PKP2: variants seen among roughly 807,000 people sequenced by gnomAD.
The protein encoded by PKP2 is plakophilin 2.
A neutral mutation model predicts 83.4 loss-of-function variants in PKP2; 73 were observed. That is an observed-to-expected ratio of 0.88 (90% CI 0.72 to 1.06). The LOEUF (loss-of-function observed/expected upper bound fraction) is 1.06. Among genes scored for constraint, PKP2 ranks in the 50% least tolerant of loss-of-function variants. The pLI is 0.00. For synonymous variants in PKP2, 409 were observed against 430.4 expected, an observed-to-expected ratio of 0.95 and a Z score of 0.62; for missense variants, 966 against 1,065.4, an observed-to-expected ratio of 0.91 and a Z score of 1.30.
At chr12:32,807,109 A>T (rs1457961723) in intron 9 of PKP2, among the ~76,000 whole-genome samples, 1 of 152,148 alleles carries the variant, frequency 6.6e-6, no homozygotes, top group Non-Finnish European at 1.5e-5. Flanking sequence ...TTTGCTAAGG[A>T]GTGTTTTACT....
At chr12:32,853,877 G>T (rs1956722541) in intron 4 of PKP2, among the ~76,000 whole-genome samples, 1 of 152,180 alleles carries the variant, frequency 6.6e-6, no homozygotes, top group Non-Finnish European at 1.5e-5. Flanking sequence ...AGCACTGTGG[G>T]ATATATACCC....
chr12:32,822,496 A>T lies in PKP2; in HGVS notation c.1810T>A (p.Phe604Ile). 6.2e-7 allele frequency: 1 copy of T among 1,614,144 alleles called. No individual in the cohort carries two copies. The highest frequency in any genetic ancestry group is 8.5e-7 in the Non-Finnish European group (1 of 1,180,030). ...QTDNNKSIGC[F>I]GSRSRKVKEQ... ...TTTACTTTCCTGCTTCGACTGCCAA[A>T]ACATCCAATACTTTTGTTGTTGTCA... The change falls in exon 8 of 13, where the codon TTT (phenylalanine) becomes ATT (isoleucine). Residue 604 changes from phenylalanine (F) to isoleucine (I), a missense_variant. Coordinates refer to ENST00000340811, the MANE Select transcript of PKP2 (RefSeq NM_001005242.3).
At chr12:32,806,686 T>TGTGTGTGTGTGTGTGTG (rs1956228649) in intron 9 of PKP2, among the ~76,000 whole-genome samples, 2 of 149,718 alleles carry the variant, frequency 1.3e-5, no homozygotes, top group African/African-American at 2.5e-5. Context: ...TTTGAAGGGT[T>TGTGTGTGTGTGTGTGTG]TGTGTGTGTG....
At chr12:32,828,490 T>C (rs1330181721) in intron 6 of PKP2, among the ~76,000 whole-genome samples, 1 of 152,190 alleles carries the variant, frequency 6.6e-6, no homozygotes, top group Non-Finnish European at 1.5e-5. Context: ...GACATTATGG[T>C]AGGCAACTTA....
intron 1 of PKP2, among the ~76,000 whole-genome samples, chr12:32,889,319 T>A (rs1358433765): frequency 2.6e-5 from 4 of 152,194 alleles, no homozygotes; most frequent in Admixed American, 6.5e-5. Context: ...CTCTTGCAGA[T>A]AACAGTAAGA....
chr12:32,793,197 C>G (rs368528886), intron 11 of PKP2, among the ~76,000 whole-genome samples: 1 of 152,024 alleles, frequency 6.6e-6, no homozygotes, highest in Non-Finnish European at 1.5e-5. Context: ...GCCGAGATCA[C>G]GCCACTGCAC....
At chr12:32,843,238 C>A (rs757689437) in intron 5 of PKP2, 1 of 931,566 alleles carries the variant, frequency 1.1e-6, no homozygotes, top group Non-Finnish European at 1.6e-6. Flanking sequence ...GCCTTGGCCT[C>A]CCAAAGTGCT....
intron 3 of PKP2, among the ~76,000 whole-genome samples, chr12:32,874,816 C>G (rs969197052): frequency 1.3e-5 from 2 of 152,120 alleles, no homozygotes; most frequent in Non-Finnish European, 2.9e-5. Context: ...TCACAGCTCA[C>G]TGTAGCCTCA....
chr12:32,866,525 TGGGCAACAGAGGCAGATCC>T (rs1219750328), intron 4 of PKP2, among the ~76,000 whole-genome samples: 2 of 116,922 alleles, frequency 1.7e-5, no homozygotes, highest in Non-Finnish European at 3.2e-5. Flanking sequence ...CACTCCAGCC[TGGGCAACAGAGGCAGATCC>T]TTTCTCAAAA....
chr12:32,804,586 A>G (rs760239851), intron 9 of PKP2, among the ~76,000 whole-genome samples: 13 of 152,200 alleles, frequency 8.5e-5, no homozygotes, highest in Non-Finnish European at 7.3e-5. Flanking sequence ...TTTGCCAAGG[A>G]TAACAGCCTC....
At chr12:32,888,056 C>G (rs971450194) in intron 1 of PKP2, among the ~76,000 whole-genome samples, 5 of 152,162 alleles carry the variant, frequency 3.3e-5, no homozygotes, top group African/African-American at 1.2e-4. Flanking sequence ...GTGGCGTACA[C>G]CTGTAGTCCC....
At chr12:32,863,106 C>T (rs1440179512) in intron 4 of PKP2, 1 of 158,518 alleles carries the variant, frequency 6.3e-6, no homozygotes, top group Non-Finnish European at 1.4e-5. Flanking sequence ...GGAAATACGA[C>T]TGGAAAGCAG....
intron 11 of PKP2, among the ~76,000 whole-genome samples, chr12:32,793,152 A>G (rs146924721): frequency 6.6e-6 from 1 of 151,974 alleles, no homozygotes; most frequent in Non-Finnish European, 1.5e-5. Flanking sequence ...GAGGCAGGAG[A>G]ATCACTTGAA....
intron 11 of PKP2, 85 bp downstream of exon 11, chr12:32,796,024 G>T: frequency 8.5e-7 from 1 of 1,171,106 alleles, no homozygotes; most frequent in South Asian, 1.2e-5. Flanking sequence ...TGATGGTCAT[G>T]ACCGCACATT....
chr12:32,832,353 G>C (rs994970462), intron 6 of PKP2, among the ~76,000 whole-genome samples: 1 of 151,744 alleles, frequency 6.6e-6, no homozygotes, highest in African/African-American at 2.4e-5. Context: ...ACTCCAGCCT[G>C]GTGACAGAAT....
Position 32,878,065 on chromosome 12 carries a change from C to G in PKP2, c.815G>C (p.Arg272Thr). ...LTAGLTVGQV[R>T]PLVPLQPVTQ... ...GACGGGCTGCAGGGGCACCAGCGGC[C>G]TGACCTGCCCGACAGTGAGCCCTGC... The change falls in exon 3 of 13, where the codon AGG (arginine) becomes ACG (threonine). Residue 272 changes from arginine to threonine, a missense_variant. Coordinates refer to ENST00000340811, the MANE Select transcript of PKP2 (RefSeq NM_001005242.3). 1 of 1,614,052 alleles carries G rather than the reference C, an allele frequency of 6.2e-7. No homozygotes were observed. The highest frequency in any genetic ancestry group is 8.5e-7 in the Non-Finnish European group (1 of 1,180,046).
intron 1 of PKP2, among the ~76,000 whole-genome samples, chr12:32,884,359 C>G (rs1042477131): frequency 2.0e-5 from 3 of 152,068 alleles, no homozygotes; most frequent in African/African-American, 7.2e-5. Flanking sequence ...GAAGCTGAGG[C>G]AGGAGAATTA....
intron 1 of PKP2, among the ~76,000 whole-genome samples, chr12:32,895,192 CATAT>C (rs371098176): frequency 1.1e-4 from 17 of 150,074 alleles, no homozygotes; most frequent in Non-Finnish European, 1.6e-4. Flanking sequence ...TTTTTAAATA[CATAT>C]ATATATATAT....
At chr12:32,823,761 CG>C in intron 7 of PKP2, among the ~76,000 whole-genome samples, 1 of 151,886 alleles carries the variant, frequency 6.6e-6, no homozygotes. Context: ...CCACCACGCC[CG>C]GCTATATTTT....
Sources: gnomAD v4.1 joint callset for allele counts (sites outside exome capture counted in the v4.1 genomes callset) on GRCh38, gnomAD v4.1.1 for gene constraint, MANE v1.5 for transcripts, NCBI Gene and HGNC (gene_info 2026-07-23, HGNC 2026-07-21) for gene names.